The following LYRM4 variants were observed in gnomAD, a reference collection of about 807,000 sequenced individuals.
LYRM4 encodes LYR motif-containing protein 4.
In LYRM4, 9 loss-of-function variants were observed where a neutral mutation model predicts 11.7. That is an observed-to-expected ratio of 0.77 (90% CI 0.46 to 1.34). The LOEUF (loss-of-function observed/expected upper bound fraction) is 1.34. Among genes scored for constraint, LYRM4 ranks in the 40% most tolerant of loss-of-function variants. LYRM4 has a pLI of 0.00. For missense variants in LYRM4, 133 were observed against 112.5 expected (o/e 1.18, Z -0.82); for synonymous variants, 42 against 40.4 (o/e 1.04, Z -0.15).
downstream of LYRM4, chr6:5,102,949 G>A (rs574725273): frequency 6.6e-6 from 1 of 152,300 alleles, no homozygotes; most frequent in South Asian, 2.1e-4. Flanking sequence ...TCTCTTCAGG[G>A]TCTTTGAAGT....
At chr6:5,068,601 G>GC in the LYRM4 span, among the ~76,000 whole-genome samples, 2 of 152,124 alleles carry the variant, frequency 1.3e-5, no homozygotes, top group African/African-American at 4.8e-5. This position sits in a 1 kb window ranked among gnomAD's most constrained non-coding sequence, Gnocchi z 4.0. Context: ...CACACCCAGG[G>GC]CCCACTGCGT....
At chr6:5,089,096 G>A in the LYRM4 span, 1 of 152,176 alleles carries the variant, frequency 6.6e-6, no homozygotes, top group South Asian at 2.1e-4. Context: ...GCCATCAGGA[G>A]TTAACATATT....
intron 1 of LYRM4, among the ~76,000 whole-genome samples, chr6:5,243,075 G>A (rs1763981606): frequency 6.6e-6 from 1 of 152,204 alleles, no homozygotes; most frequent in South Asian, 2.1e-4. Flanking sequence ...GCCCGGCCAG[G>A]ATTTCTGCTC....
chr6:5,241,936 C>T (rs2773299), intron 1 of LYRM4, among the ~76,000 whole-genome samples: 1 of 151,872 alleles, frequency 6.6e-6, no homozygotes, highest in Non-Finnish European at 1.5e-5. Flanking sequence ...TAGCAAGGCC[C>T]TAAGATCCTC....
chr6:5,198,226 G>A (rs1199630726), intron 2 of LYRM4, among the ~76,000 whole-genome samples: 1 of 151,920 alleles, frequency 6.6e-6, no homozygotes, highest in African/African-American at 2.4e-5. Flanking sequence ...GAGAAAGGGA[G>A]GGCAACTAAC....
At chr6:5,086,896 C>A in the LYRM4 span, 1 of 360,978 alleles carries the variant, frequency 2.8e-6, no homozygotes, top group Non-Finnish European at 5.0e-6. Flanking sequence ...AAAAGGCTCC[C>A]AACTCCCGGG....
At chr6:5,250,112 ACTC>A (rs1205826019) in intron 1 of LYRM4, among the ~76,000 whole-genome samples, 2 of 151,196 alleles carry the variant, frequency 1.3e-5, no homozygotes, top group African/African-American at 2.4e-5. Context: ...GCCTAACTTT[ACTC>A]CTCATTTTCT....
chr6:5,108,847 T>A lies in LYRM4; in HGVS notation c.*576A>T. 1.0e-6 allele frequency: 1 copy of A among 986,786 alleles called. No individual in the cohort carries two copies. The highest frequency in any genetic ancestry group is 1.2e-6 in the Non-Finnish European group (1 of 830,678). The allele number at this position is 986,786 out of a possible 1,614,324, so 61.1% of individuals were successfully genotyped here. On this transcript the variant is annotated 3_prime_UTR_variant, in exon 3 of 3. Transcript: ENST00000330636. Reference sequence around the variant, plus strand: ...ACCTACACACCCGTCACCTTTGTTGTACTGGGCTCAGGTATAAGTTGCAGG... The same window carrying A: ...ACCTACACACCCGTCACCTTTGTTGAACTGGGCTCAGGTATAAGTTGCAGG...
chr6:5,210,961 T>C (rs547597587), intron 2 of LYRM4, among the ~76,000 whole-genome samples: 1 of 152,338 alleles, frequency 6.6e-6, no homozygotes, highest in African/African-American at 2.4e-5. Flanking sequence ...GTGAATAGTA[T>C]ATAATCATTT....
chr6:5,033,296 G>A, the LYRM4 span: 1 of 151,966 alleles, frequency 6.6e-6, no homozygotes, highest in East Asian at 1.9e-4. Context: ...CCTGCCACAC[G>A]GAATCTTTAT....
chr6:5,231,949 T>G (rs1461108861), intron 1 of LYRM4, among the ~76,000 whole-genome samples: 1 of 152,216 alleles, frequency 6.6e-6, no homozygotes, highest in East Asian at 1.9e-4. Context: ...AGGATTTATT[T>G]TTACTTTAAA....
At chr6:5,085,722 C>A in the LYRM4 span, 1 of 1,545,648 alleles carries the variant, frequency 6.5e-7, no homozygotes, top group South Asian at 1.2e-5. Flanking sequence ...GCCGCCGCCG[C>A]TGCCGCGCGC....
intron 1 of LYRM4, among the ~76,000 whole-genome samples, chr6:5,237,233 A>G (rs1470700597): frequency 6.6e-6 from 1 of 152,138 alleles, no homozygotes; most frequent in Non-Finnish European, 1.5e-5. Flanking sequence ...ATCGCTCACA[A>G]TACCACCTGA....
chr6:5,211,386 C>T (rs1184367011), intron 2 of LYRM4, among the ~76,000 whole-genome samples: 4 of 152,106 alleles, frequency 2.6e-5, no homozygotes, highest in Non-Finnish European at 4.4e-5. Flanking sequence ...ACTCAACTAC[C>T]ACTACCCCAA....
At chr6:5,056,408 T>C in the LYRM4 span, among the ~76,000 whole-genome samples, 1 of 152,346 alleles carries the variant, frequency 6.6e-6, no homozygotes, top group East Asian at 1.9e-4. Context: ...TTTAAGGTAG[T>C]TGCAATATGG....
At chr6:5,061,367 T>C in the LYRM4 span, among the ~76,000 whole-genome samples, 1 of 152,234 alleles carries the variant, frequency 6.6e-6, no homozygotes, top group African/African-American at 2.4e-5. Flanking sequence ...CACCTTTGTT[T>C]CACAATAGCA....
In LYRM4 at chr6:5,260,871, A is replaced by C; in HGVS notation, c.-138T>G. ...CGGCTTTGCCAGCGGGCCGGGCCTA[A>C]GCCTAAGCGGGCAGCCCTGCGGATC... On this transcript the variant is annotated 5_prime_UTR_variant, in exon 1 of 3. Transcript: ENST00000330636. 1.4e-6 allele frequency: 2 copies of C among 1,448,712 alleles called. No homozygotes were observed. Among genetic ancestry groups the C allele is most frequent in the Non-Finnish European group, 9.0e-7 (1 of 1,106,532 alleles). 89.7% of individuals were successfully genotyped at this position (1,448,712 alleles called of 1,614,324 possible). A position where few individuals can be genotyped will look rare whatever the true frequency, so the allele number is the denominator to read the frequency against.
At chr6:5,056,684 G>A in the LYRM4 span, among the ~76,000 whole-genome samples, 14 of 152,270 alleles carry the variant, frequency 9.2e-5, no homozygotes, top group East Asian at 2.5e-3. Context: ...GTACATACAA[G>A]TATTTCAAAA....
At chr6:5,223,357 A>G (rs1762696102) in intron 1 of LYRM4, among the ~76,000 whole-genome samples, 1 of 152,196 alleles carries the variant, frequency 6.6e-6, no homozygotes, top group South Asian at 2.1e-4. Flanking sequence ...ATCTCATTTA[A>G]TCCTCACAAA....
Sources: gnomAD v4.1 joint callset for allele counts (sites outside exome capture counted in the v4.1 genomes callset) on GRCh38, gnomAD v4.1.1 for gene constraint, Gnocchi (gnomAD v3.1) non-coding constraint, MANE v1.5 for transcripts, NCBI Gene and HGNC (gene_info 2026-07-23, HGNC 2026-07-21) for gene names.